Variants in KIAA1549L observed in about 807,000 individuals in gnomAD.
KIAA1549L encodes KIAA1549 like.
A neutral mutation model predicts 160.7 loss-of-function variants in KIAA1549L; 88 were observed. The ratio of observed to expected loss-of-function variants is 0.55; its 90% CI spans 0.46 to 0.65. The LOEUF is 0.65. Ranked by LOEUF, KIAA1549L falls within the 30% of genes least tolerant of loss-of-function variation. The pLI, the probability that KIAA1549L is intolerant of heterozygous loss-of-function variation, is 0.00. For missense variants in KIAA1549L, 2,258 were observed against 2,437.5 expected (o/e 0.93, Z 1.55); for synonymous variants, 950 against 976.7 (o/e 0.97, Z 0.51).
intron 3 of KIAA1549L, among the ~76,000 whole-genome samples, chr11:33,547,386 A>G (rs1028279377): frequency 2.0e-5 from 3 of 152,096 alleles, no homozygotes; most frequent in South Asian, 2.1e-4. Context: ...TTCCTGATCC[A>G]GGGTTGTTTG....
chr11:33,493,317 C>T (rs1852739367), intron 1 of KIAA1549L, among the ~76,000 whole-genome samples: 1 of 152,228 alleles, frequency 6.6e-6, no homozygotes, highest in Non-Finnish European at 1.5e-5. Flanking sequence ...CTTCTTCCAT[C>T]TTCTGCCATA....
intron 1 of KIAA1549L, among the ~76,000 whole-genome samples, chr11:33,534,692 T>C (rs1853853791): frequency 6.6e-6 from 1 of 152,198 alleles, no homozygotes; most frequent in African/African-American, 2.4e-5. Context: ...TCTCTTTAAA[T>C]AACTTCCTCC....
intron 1 of KIAA1549L, among the ~76,000 whole-genome samples, chr11:33,513,725 C>T (rs1373196633): frequency 6.6e-6 from 1 of 152,196 alleles, no homozygotes; most frequent in African/African-American, 2.4e-5. Context: ...AAGTGATTGG[C>T]TTCTCCTGGG....
intron 1 of KIAA1549L, among the ~76,000 whole-genome samples, chr11:33,502,875 A>G (rs1029569763): frequency 2.0e-5 from 3 of 152,238 alleles, no homozygotes; most frequent in African/African-American, 7.2e-5. Flanking sequence ...TTGTCTGTCA[A>G]GGTCAGATGA....
chr11:33,447,717 A>G (rs965290952), intron 1 of KIAA1549L, among the ~76,000 whole-genome samples: 14 of 151,834 alleles, frequency 9.2e-5, no homozygotes, highest in Middle Eastern at 3.4e-3. Context: ...GTTGTATTTT[A>G]TGTTAATTGC....
At chr11:33,426,447 T>C (rs1333301856) in intron 1 of KIAA1549L, among the ~76,000 whole-genome samples, 1 of 152,196 alleles carries the variant, frequency 6.6e-6, no homozygotes, top group Non-Finnish European at 1.5e-5. Flanking sequence ...ATGGAGTTCC[T>C]GACCATAAAT....
At chr11:33,565,483 C>T (rs1855017823) in intron 8 of KIAA1549L, among the ~76,000 whole-genome samples, 1 of 152,154 alleles carries the variant, frequency 6.6e-6, no homozygotes, top group African/African-American at 2.4e-5. Flanking sequence ...AGATGAGGAA[C>T]TGAGGCATAG....
chr11:33,619,191 A>G (rs1467287719), intron 16 of KIAA1549L, among the ~76,000 whole-genome samples: 1 of 152,190 alleles, frequency 6.6e-6, no homozygotes, highest in Admixed American at 6.5e-5. Flanking sequence ...TAATCCCGTC[A>G]GATTTCCCCA....
chr11:33,423,961 T>G (rs1462272284), intron 1 of KIAA1549L, among the ~76,000 whole-genome samples: 1 of 151,970 alleles, frequency 6.6e-6, no homozygotes, highest in African/African-American at 2.4e-5. Flanking sequence ...CCCAGGAGGT[T>G]GAGGCTGCCT....
At chr11:33,541,424 T>C (rs1303326694) in intron 1 of KIAA1549L, among the ~76,000 whole-genome samples, 2 of 152,240 alleles carry the variant, frequency 1.3e-5, no homozygotes, top group African/African-American at 2.4e-5. Flanking sequence ...CTTCTTTAGT[T>C]TCGTGCATTT....
At position 33,543,675 on chromosome 11, in the gene KIAA1549L, T is replaced by C. The variant is rs1854118530; in HGVS notation, c.2112T>C (p.Thr704=). ...TCTGGAGTTCTCTTTCAGCAGAAAC[T>C]GGATCTCTTTCCACAGAATCAATAA... is the stretch of plus-strand genomic sequence containing the variant. The part of the protein sequence containing the change: ...DVFWSSLSAE[T]GSLSTESIIS... Residue 704 remains threonine, a synonymous_variant, in exon 2 of 21, where the codon ACT becomes ACC. Coordinates refer to ENST00000658780, the MANE Select transcript of KIAA1549L (RefSeq NM_012194.3). The C allele has an allele frequency of 1.9e-6, 3 of 1,613,904 alleles. No homozygotes were observed. In the Admixed American group the frequency reaches 5.0e-5, roughly 27 times the overall value.
chr11:33,638,342 G>T (rs1209645580), intron 16 of KIAA1549L, among the ~76,000 whole-genome samples: 2 of 150,972 alleles, frequency 1.3e-5, no homozygotes, highest in Non-Finnish European at 2.9e-5. Context: ...CATATAAATG[G>T]ATTTATTCAG....
intron 1 of KIAA1549L, among the ~76,000 whole-genome samples, chr11:33,535,500 C>T (rs866769689): frequency 5.3e-5 from 8 of 151,900 alleles, no homozygotes; most frequent in Admixed American, 1.3e-4. Context: ...TGGCGAAACC[C>T]GTCTGTACAA....
At chr11:33,386,597 C>T (rs534827877) in intron 1 of KIAA1549L, among the ~76,000 whole-genome samples, 19 of 152,210 alleles carry the variant, frequency 1.2e-4, no homozygotes, top group East Asian at 3.9e-4. Flanking sequence ...GCAGGAGAAT[C>T]GCTTGCACCT....
In KIAA1549L at chr11:33,494,617, A is replaced by C. The variant is rs1453158573; in HGVS notation, c.239-47185A>C. Among the ~76,000 whole-genome samples the C allele has an allele frequency of 5.3e-5, 8 of 152,324 alleles. No individual in the cohort carries two copies. In the South Asian group the frequency reaches 1.7e-3, roughly 32 times the overall value. On this transcript the variant is annotated intron_variant, in intron 1 of 20. Coordinates refer to ENST00000658780, the MANE Select transcript of KIAA1549L (RefSeq NM_012194.3). Reference sequence around the variant, plus strand: ...CCTTTAAAGAGTTTCCAAGTGCCTTAGATTTTCCAGTTGGCATCACAGGAG... The same window carrying C: ...CCTTTAAAGAGTTTCCAAGTGCCTTCGATTTTCCAGTTGGCATCACAGGAG...
intron 1 of KIAA1549L, among the ~76,000 whole-genome samples, chr11:33,412,134 A>G (rs1224582191): frequency 6.6e-6 from 1 of 152,232 alleles, no homozygotes; most frequent in Non-Finnish European, 1.5e-5. Context: ...AATGCAAAGC[A>G]TTTAATTTCC....
Position 33,673,804 on chromosome 11 carries a change from C to A in KIAA1549L, c.*5650C>A, listed in dbSNP as rs1852724461. Reference sequence around the variant, plus strand: ...CTAAATTTGAAATTGCCCACAAGATCTAGCCTCATCTGGAGTTGCTGTTAT... The same window carrying A: ...CTAAATTTGAAATTGCCCACAAGATATAGCCTCATCTGGAGTTGCTGTTAT... On this transcript the variant is annotated 3_prime_UTR_variant, in exon 21 of 21. Transcript: ENST00000658780. 1 of 152,202 alleles carries A rather than the reference C, an allele frequency of 6.6e-6. No homozygotes were observed. 9.4% of individuals were successfully genotyped at this position (152,202 alleles called of 1,614,324 possible). A position where few individuals can be genotyped will look rare whatever the true frequency, so the allele number is the denominator to read the frequency against.
At chr11:33,502,263 A>T (rs1314736865) in intron 1 of KIAA1549L, among the ~76,000 whole-genome samples, 1 of 152,172 alleles carries the variant, frequency 6.6e-6, no homozygotes, top group Non-Finnish European at 1.5e-5. Context: ...AGTCAGCTTT[A>T]ATCGGGGATT....
intron 1 of KIAA1549L, among the ~76,000 whole-genome samples, chr11:33,412,209 A>G (rs1328300147): frequency 4.6e-5 from 7 of 152,232 alleles, no homozygotes; most frequent in Non-Finnish European, 1.0e-4. Context: ...TAAATCAGCT[A>G]ATGCTCTATT....
Sources: gnomAD v4.1 joint callset for allele counts (sites outside exome capture counted in the v4.1 genomes callset) on GRCh38, gnomAD v4.1.1 for gene constraint, MANE v1.5 for transcripts, NCBI Gene and HGNC (gene_info 2026-07-23, HGNC 2026-07-21) for gene names.